Variants in UGT1A8 observed in about 807,000 individuals in gnomAD.
The protein encoded by UGT1A8 is UDP glucuronosyltransferase family 1 member A8, also known as UDP-glucuronosyltransferase 1A8.
Under a neutral mutation model 45.3 loss-of-function variants are expected in UGT1A8, and 39 were observed. The ratio of observed to expected loss-of-function variants is 0.86; its 90% CI spans 0.67 to 1.12. The LOEUF (loss-of-function observed/expected upper bound fraction) is 1.12, where lower values mean the gene tolerates loss of function less well. UGT1A8 is among the 50% of genes most tolerant of loss of function. UGT1A8 has a pLI of 0.00. For synonymous variants in UGT1A8, 275 were observed against 249.2 expected (o/e 1.10, Z -0.97); for missense variants, 719 against 664.9 (o/e 1.08, Z -0.90).
intron 1 of UGT1A8, chr2:233,747,143 T>C (rs1451311300): frequency 2.6e-6 from 4 of 1,563,162 alleles, no homozygotes; most frequent in African/African-American, 1.4e-5. Context: ...ACAAGGTAAT[T>C]AAGATGAAGA....
intron 1 of UGT1A8, among the ~76,000 whole-genome samples, chr2:233,661,838 C>A (rs1008587079): frequency 2.0e-5 from 3 of 151,618 alleles, no homozygotes; most frequent in Non-Finnish European, 4.4e-5. Flanking sequence ...GCATCACTAG[C>A]GACACTTTGT....
intron 1 of UGT1A8, among the ~76,000 whole-genome samples, chr2:233,627,669 CTTCCTTCCTTCT>C (rs2073112561): frequency 1.5e-5 from 2 of 134,598 alleles, no homozygotes; most frequent in South Asian, 2.2e-4. Context: ...TCCTTCCTTC[CTTCCTTCCTTCT>C]TTCTTTCTTT....
chr2:233,682,705 CTTTG>C lies in UGT1A8; in HGVS notation c.855+64147_855+64150del, dbSNP rs763830495. On this transcript the variant is annotated intron_variant, in intron 1 of 4. Coordinates refer to ENST00000373450, the MANE Select transcript of UGT1A8 (RefSeq NM_019076.5). ...CATCAATTTGGTTGTTGCGAACTGA[CTTTG>C]TTTTGGAGTATCCCAAACCCGTGAT... 3 of 1,613,868 alleles carry C rather than the reference CTTTG, an allele frequency of 1.9e-6. No individual in the cohort carries two copies. The South Asian group carries it at 3.3e-5, about 18-fold the overall frequency.
At chr2:233,718,781 G>T (rs767988524) in intron 1 of UGT1A8, 21 of 1,613,022 alleles carry the variant, frequency 1.3e-5, no homozygotes, top group Non-Finnish European at 1.7e-5. Context: ...AGCAGGCACA[G>T]CGTGGGGTGG....
intron 1 of UGT1A8, among the ~76,000 whole-genome samples, chr2:233,724,281 C>A (rs1325936815): frequency 1.8e-5 from 2 of 112,012 alleles, no homozygotes; most frequent in Non-Finnish European, 1.8e-5. Flanking sequence ...GCTGGCCGGG[C>A]GGGGGGCTGA....
intron 1 of UGT1A8, among the ~76,000 whole-genome samples, chr2:233,653,745 C>T (rs541540279): frequency 5.9e-5 from 9 of 152,294 alleles, no homozygotes; most frequent in Admixed American, 5.2e-4. Context: ...TACAGATGCC[C>T]ACCACCACAG....
intron 1 of UGT1A8, among the ~76,000 whole-genome samples, chr2:233,652,025 T>C (rs2073756111): frequency 6.6e-6 from 1 of 152,222 alleles, no homozygotes; most frequent in African/African-American, 2.4e-5. Flanking sequence ...CCAGGCTTTT[T>C]TAGTTTTTGG....
At chr2:233,680,803 G>A (rs1386884199) in intron 1 of UGT1A8, among the ~76,000 whole-genome samples, 1 of 152,140 alleles carries the variant, frequency 6.6e-6, no homozygotes, top group East Asian at 1.9e-4. Flanking sequence ...CATAGCAAAG[G>A]CCTGCAGCTC....
At chr2:233,665,293 T>C (rs2125493659) in intron 1 of UGT1A8, among the ~76,000 whole-genome samples, 1 of 152,344 alleles carries the variant, frequency 6.6e-6, no homozygotes, top group African/African-American at 2.4e-5. Flanking sequence ...ATTTAGGCAT[T>C]TTCCAAATTT....
rs1406283667 is a variant in UGT1A8, at chr2:233,618,475, C to T, written c.768C>T (p.Asp256=). 2.5e-6 allele frequency: 4 copies of T among 1,613,788 alleles called. No individual in the cohort carries two copies. In the Admixed American group the frequency reaches 5.0e-5, roughly 20 times the overall value. Residue 256 remains aspartate, a synonymous_variant, in exon 1 of 5, where the codon GAC becomes GAT. Transcript: ENST00000373450. ...CATCAATTTGGTTGTTGCGAACAGA[C>T]TTTGTTTTGGACTATCCCAAACCCG... The part of the protein sequence containing the change: ...SHTSIWLLRT[D]FVLDYPKPVM...
rs2077300002 is a variant in UGT1A8 at position 233,724,705 on chromosome 2, G to T, written c.856-42329G>T. On this transcript the variant is annotated intron_variant, in intron 1 of 4. Transcript: ENST00000373450. The stretch of plus-strand genomic sequence containing the variant: ...TGGCGGCCGGGTGAAGACGCTCCTC[G>T]CTTTCCAGACTGGGCAGCCAGGCAG... 1.4e-5 allele frequency among the ~76,000 whole-genome samples: 2 copies of T among 143,500 alleles called. 1 individual carries two copies. Among genetic ancestry groups the T allele is most frequent in the South Asian group, 5.0e-4 (2 of 3,986 alleles). 94.1% of individuals were successfully genotyped at this position (143,500 alleles called of 152,430 possible).
At chr2:233,690,624 G>A (rs2075000515) in intron 1 of UGT1A8, 1 of 1,289,022 alleles carries the variant, frequency 7.8e-7, no homozygotes, top group Admixed American at 2.3e-5. Context: ...GGACACTCAA[G>A]TGATACCTGA....
chr2:233,720,775 C>T (rs1334644827), intron 1 of UGT1A8, among the ~76,000 whole-genome samples: 5 of 151,426 alleles, frequency 3.3e-5, no homozygotes, highest in African/African-American at 4.9e-5. Flanking sequence ...GCCGGATCTC[C>T]GCTCACTGCA....
intron 1 of UGT1A8, among the ~76,000 whole-genome samples, chr2:233,636,028 C>A (rs1344257503): frequency 6.6e-6 from 1 of 150,706 alleles, no homozygotes; most frequent in Non-Finnish European, 1.5e-5. Flanking sequence ...GCAGGTGAGC[C>A]CCAGTTTCTT....
chr2:233,627,479 G>A (rs532269500), intron 1 of UGT1A8, among the ~76,000 whole-genome samples: 40 of 151,886 alleles, frequency 2.6e-4, no homozygotes, highest in Admixed American at 2.1e-3. Context: ...CTATAAATAC[G>A]CCTTTCTTAT....
At chr2:233,717,510 G>T (rs1057270188) in intron 1 of UGT1A8, among the ~76,000 whole-genome samples, 6 of 152,198 alleles carry the variant, frequency 3.9e-5, no homozygotes, top group Admixed American at 3.9e-4. Context: ...ATTTCTAATG[G>T]GAGTAACTTC....
At chr2:233,757,996 G>A (rs1283053309) in intron 1 of UGT1A8, among the ~76,000 whole-genome samples, 1 of 152,032 alleles carries the variant, frequency 6.6e-6, no homozygotes, top group East Asian at 1.9e-4. Flanking sequence ...CCCTGTAATT[G>A]CCTGGTCATG....
chr2:233,621,102 C>T (rs935173397), intron 1 of UGT1A8, among the ~76,000 whole-genome samples: 5 of 152,110 alleles, frequency 3.3e-5, no homozygotes, highest in African/African-American at 1.2e-4. Flanking sequence ...TAATTAAATA[C>T]TTTAACAAAG....
chr2:233,644,691 C>A (rs1272150325), intron 1 of UGT1A8, among the ~76,000 whole-genome samples: 5 of 152,196 alleles, frequency 3.3e-5, no homozygotes, highest in African/African-American at 1.2e-4. Context: ...CCAATTGTCT[C>A]CCACCAGGGC....
Sources: allele counts gnomAD v4.1 joint callset (sites outside exome capture counted in the v4.1 genomes callset), GRCh38; gene constraint gnomAD v4.1.1; transcripts MANE v1.5; gene names NCBI Gene and HGNC (gene_info 2026-07-23, HGNC 2026-07-21).